The following PTPN14 variants were observed in gnomAD, a reference collection of about 807,000 sequenced individuals.
PTPN14 encodes tyrosine-protein phosphatase non-receptor type 14.
Under a neutral mutation model 126.8 loss-of-function variants are expected in PTPN14, and 53 were observed. The observed-to-expected ratio is 0.42, with a 90% CI of 0.34 to 0.53. PTPN14 has a LOEUF of 0.53. Ranked by LOEUF, PTPN14 falls within the 20% of genes least tolerant of loss-of-function variation. The pLI, the probability that PTPN14 is intolerant of heterozygous loss-of-function variation, is 0.08. For missense variants in PTPN14, 1,257 were observed against 1,552.9 expected (o/e 0.81, Z 3.20); for synonymous variants, 630 against 599.3 (o/e 1.05, Z -0.75).
At chr1:214,498,400 T>C (rs769595163) in intron 1 of PTPN14, among the ~76,000 whole-genome samples, 5 of 152,206 alleles carry the variant, frequency 3.3e-5, no homozygotes, top group Non-Finnish European at 7.3e-5. Flanking sequence ...AAGACTCAGT[T>C]GGATCTTAAA....
chr1:214,379,093 C>A (rs911025112), intron 13 of PTPN14, among the ~76,000 whole-genome samples: 5 of 152,166 alleles, frequency 3.3e-5, no homozygotes, highest in African/African-American at 1.2e-4. Flanking sequence ...AGGGCCTTTC[C>A]TAAAATTAAG....
chr1:214,515,666 T>A (rs990794256), intron 1 of PTPN14, among the ~76,000 whole-genome samples: 1 of 152,204 alleles, frequency 6.6e-6, no homozygotes. Context: ...GTGTGCCTCC[T>A]TAGAGAAATT....
chr1:214,551,537 A>C lies in PTPN14; in HGVS notation c.-509T>G, dbSNP rs139519735. 14 of 152,430 alleles carry C rather than the reference A, an allele frequency of 9.2e-5. 1 individual carries two copies. The highest frequency in any genetic ancestry group is 7.8e-4 in the Admixed American group (12 of 15,310). 9.4% of individuals were successfully genotyped at this position (152,430 alleles called of 1,614,324 possible). ...GGAGAGCAGGCGGCTGAGCCCGGAG[A>C]AGCACAGCAACCTGCCCCCGAGTCT... is the stretch of plus-strand genomic sequence containing the variant. On this transcript the variant is annotated 5_prime_UTR_variant, in exon 1 of 19. Transcript: ENST00000366956.
intron 3 of PTPN14, among the ~76,000 whole-genome samples, chr1:214,436,005 G>A (rs772113696): frequency 4.4e-4 from 67 of 152,116 alleles, no homozygotes; most frequent in Admixed American, 4.0e-3. Context: ...AATATCCATC[G>A]GTGGTAGACT....
chr1:214,411,887 A>C (rs1289299444), intron 4 of PTPN14, 136 bp from the exon 5 acceptor site: 4 of 509,616 alleles, frequency 7.8e-6, no homozygotes, highest in African/African-American at 2.0e-5. Flanking sequence ...AAATAGTGCC[A>C]AGATATGTTT....
intron 2 of PTPN14, among the ~76,000 whole-genome samples, chr1:214,461,706 A>T (rs1660518158): frequency 1.3e-5 from 2 of 152,090 alleles, no homozygotes; most frequent in Non-Finnish European, 2.9e-5. Context: ...GCACTTTGGG[A>T]GACCAAGGCA....
chr1:214,404,949 T>A (rs545360333), intron 5 of PTPN14, among the ~76,000 whole-genome samples: 1 of 152,292 alleles, frequency 6.6e-6, no homozygotes, highest in Admixed American at 6.5e-5. Flanking sequence ...CCCGGCCTAC[T>A]CAGCAAGGTC....
intron 3 of PTPN14, among the ~76,000 whole-genome samples, chr1:214,445,442 G>A (rs946940216): frequency 6.6e-6 from 1 of 151,974 alleles, no homozygotes; most frequent in African/African-American, 2.4e-5. Flanking sequence ...AAGATGTCCT[G>A]GAAAAGTAGG....
At chr1:214,372,163 C>T (rs968907786) in intron 16 of PTPN14, 1 of 156,272 alleles carries the variant, frequency 6.4e-6, no homozygotes, top group Non-Finnish European at 1.4e-5. Context: ...TCTCTAGTTA[C>T]AGCAGAAAAA....
chr1:214,402,315 C>G (rs1659038190), intron 6 of PTPN14, among the ~76,000 whole-genome samples: 2 of 150,918 alleles, frequency 1.3e-5, no homozygotes, highest in Admixed American at 1.3e-4. Context: ...GTGCATGTGC[C>G]TGTAATCCCA....
At chr1:214,366,662 C>T (rs1347527868) in intron 17 of PTPN14, among the ~76,000 whole-genome samples, 8 of 152,242 alleles carry the variant, frequency 5.3e-5, no homozygotes, top group Admixed American at 3.9e-4. Context: ...GCACAGAATA[C>T]GTGTATTGAC....
chr1:214,370,220 C>A (rs1223875950), intron 16 of PTPN14, among the ~76,000 whole-genome samples: 1 of 147,966 alleles, frequency 6.8e-6, no homozygotes, highest in African/African-American at 2.5e-5. Flanking sequence ...GCGGAGCTTG[C>A]AGTGAGCCAA....
chr1:214,409,020 T>C (rs1393781516), intron 5 of PTPN14, among the ~76,000 whole-genome samples: 2 of 152,248 alleles, frequency 1.3e-5, no homozygotes, highest in African/African-American at 4.8e-5. Flanking sequence ...TGTGATGTTG[T>C]GACACATGTA....
chr1:214,407,320 T>C (rs984080830), intron 5 of PTPN14, among the ~76,000 whole-genome samples: 1 of 151,412 alleles, frequency 6.6e-6, no homozygotes, highest in Non-Finnish European at 1.5e-5. Flanking sequence ...AGGTTAGGAG[T>C]TCAAGACCAG....
intron 1 of PTPN14, among the ~76,000 whole-genome samples, chr1:214,540,743 TA>T (rs80204926): frequency 6.7e-5 from 10 of 150,032 alleles, no homozygotes; most frequent in South Asian, 2.1e-4. Context: ...TTTATTTATT[TA>T]AAAAAAAAAT....
chr1:214,468,039 G>GT (rs1553269301), intron 1 of PTPN14, among the ~76,000 whole-genome samples: 1 of 151,482 alleles, frequency 6.6e-6, no homozygotes, highest in African/African-American at 2.4e-5. Context: ...CTAAATCCAA[G>GT]TGTGAAAAAA....
chr1:214,486,923 T>C lies in PTPN14; in HGVS notation c.-154-21966A>G, dbSNP rs112004054. On this transcript the variant is annotated intron_variant, in intron 1 of 18. Transcript: ENST00000366956. ...CGTAAATCTGGAAAAGTTGACCCCG[T>C]CACCCAGATGCATCAACCTTCAGCT... is the stretch of plus-strand genomic sequence containing the variant. Among the ~76,000 whole-genome samples, 14 of 152,298 alleles carry C rather than the reference T, an allele frequency of 9.2e-5. No individual in the cohort carries two copies. The East Asian group carries it at 2.5e-3, about 27-fold the overall frequency.
At chr1:214,481,728 GTAATT>G (rs1205442819) in intron 1 of PTPN14, among the ~76,000 whole-genome samples, 1 of 151,852 alleles carries the variant, frequency 6.6e-6, no homozygotes, top group Non-Finnish European at 1.5e-5. Context: ...GCTCACGCCT[GTAATT>G]CCAACACTTT....
rs1216145545 is a variant in PTPN14 at position 214,436,382 on chromosome 1, C to A, written c.344+15423G>T. On this transcript the variant is annotated intron_variant, in intron 3 of 18. Coordinates refer to ENST00000366956, the MANE Select transcript of PTPN14 (RefSeq NM_005401.5). Reference sequence around the variant, plus strand: ...CTATATAACAAACCCACACGTATACCCCTGTATCTAAAATAAAGTTAAAAA... The same window carrying A: ...CTATATAACAAACCCACACGTATACACCTGTATCTAAAATAAAGTTAAAAA... 2.0e-5 allele frequency among the ~76,000 whole-genome samples: 3 copies of A among 150,024 alleles called. No individual in the cohort carries two copies. The East Asian group carries it at 6.0e-4, about 30-fold the overall frequency.
Sources: gnomAD v4.1 joint callset for allele counts (sites outside exome capture counted in the v4.1 genomes callset) on GRCh38, gnomAD v4.1.1 for gene constraint, MANE v1.5 for transcripts, NCBI Gene and HGNC (gene_info 2026-07-23, HGNC 2026-07-21) for gene names.